The following DLG2 variants were observed in gnomAD, a reference collection of about 807,000 sequenced individuals.
DLG2 encodes discs large MAGUK scaffold protein 2, also known as disks large homolog 2.
A neutral mutation model predicts 132.5 loss-of-function variants in DLG2; 45 were observed. That is an observed-to-expected ratio of 0.34 (90% CI 0.27 to 0.44). The LOEUF (loss-of-function observed/expected upper bound fraction) is 0.44, where lower values mean the gene tolerates loss of function less well. Among genes scored for constraint, DLG2 ranks in the 20% least tolerant of loss-of-function variants. The pLI is 1.00. For synonymous variants in DLG2, 424 were observed against 419.6 expected (o/e 1.01, Z -0.13); for missense variants, 1,045 against 1,196.9 (o/e 0.87, Z 1.87).
intron 11 of DLG2, among the ~76,000 whole-genome samples, chr11:84,004,891 CAG>C (rs754703101): frequency 1.4e-5 from 2 of 143,042 alleles, no homozygotes; most frequent in African/African-American, 2.6e-5. Context: ...ATAAAAATAC[CAG>C]AGTCATTTTT....
intron 6 of DLG2, among the ~76,000 whole-genome samples, chr11:84,850,472 G>A (rs1361291437): frequency 2.6e-5 from 4 of 152,216 alleles, no homozygotes; most frequent in East Asian, 3.9e-4. Context: ...GAATGGATGC[G>A]TTTCCACTAG....
intron 18 of DLG2, among the ~76,000 whole-genome samples, chr11:83,734,982 A>C (rs2091700031): frequency 6.6e-6 from 1 of 152,282 alleles, no homozygotes; most frequent in African/African-American, 2.4e-5. Context: ...AACTTGTTAT[A>C]GGTATTAGCC....
intron 6 of DLG2, among the ~76,000 whole-genome samples, chr11:84,731,841 T>C (rs979612310): frequency 1.3e-5 from 2 of 152,184 alleles, no homozygotes; most frequent in Admixed American, 6.6e-5. Context: ...AACATACGTA[T>C]ACATCTGTGA....
chr11:85,012,761 A>T (rs2059252775), intron 6 of DLG2, among the ~76,000 whole-genome samples: 1 of 152,178 alleles, frequency 6.6e-6, no homozygotes, highest in Admixed American at 6.5e-5. Flanking sequence ...TAAAATATCA[A>T]ATGAGTATTT....
intron 7 of DLG2, among the ~76,000 whole-genome samples, chr11:84,342,831 C>G (rs1035146585): frequency 1.3e-5 from 2 of 152,056 alleles, no homozygotes; most frequent in Non-Finnish European, 2.9e-5. Flanking sequence ...GCGCCAACAC[C>G]GATAATATCA....
chr11:84,953,689 T>A (rs1266195352), intron 6 of DLG2, among the ~76,000 whole-genome samples: 1 of 152,182 alleles, frequency 6.6e-6, no homozygotes, highest in Non-Finnish European at 1.5e-5. Flanking sequence ...TTAATCATGT[T>A]CCATCCTACT....
At chr11:84,609,387 T>C (rs982088871) in intron 6 of DLG2, among the ~76,000 whole-genome samples, 1 of 152,138 alleles carries the variant, frequency 6.6e-6, no homozygotes, top group Non-Finnish European at 1.5e-5. Context: ...AGTGTTATTG[T>C]TTGTTAAAAA....
At chr11:83,820,428 A>G (rs767023695) in intron 17 of DLG2, among the ~76,000 whole-genome samples, 9 of 152,202 alleles carry the variant, frequency 5.9e-5, no homozygotes, top group Non-Finnish European at 8.8e-5. Flanking sequence ...ATAAATCAAA[A>G]GTACTATTCA....
chr11:84,856,388 C>G (rs1368691831), intron 6 of DLG2, among the ~76,000 whole-genome samples: 1 of 152,090 alleles, frequency 6.6e-6, no homozygotes, highest in Non-Finnish European at 1.5e-5. Flanking sequence ...TTCCCTTCAG[C>G]CACCAGCTTC....
At position 84,261,469 on chromosome 11, in the gene DLG2, T is replaced by C. The variant is rs757866942; in HGVS notation, c.520-10178A>G. Among the ~76,000 whole-genome samples, 5 of 152,216 alleles carry C rather than the reference T, an allele frequency of 3.3e-5. 1 individual carries two copies. The highest frequency in any genetic ancestry group is 6.5e-5 in the Admixed American group (1 of 15,272). ...CATCATCACTCCAGGACTCAATCTA[T>C]ACATCCTATTCCCCACATTTTAAAG... On this transcript the variant is annotated intron_variant, in intron 7 of 27. Transcript: ENST00000376104.
At chr11:84,566,046 C>T (rs1361301187) in intron 6 of DLG2, among the ~76,000 whole-genome samples, 1 of 151,528 alleles carries the variant, frequency 6.6e-6, no homozygotes, top group East Asian at 1.9e-4. Flanking sequence ...GCAACCTCCG[C>T]CTCCTGGGTT....
chr11:83,638,141 C>T (rs1009527587), intron 18 of DLG2, among the ~76,000 whole-genome samples: 2 of 152,156 alleles, frequency 1.3e-5, no homozygotes, highest in African/African-American at 4.8e-5. Flanking sequence ...ACATTACCCC[C>T]AGCTAGTTCT....
chr11:83,733,978 G>A lies in DLG2; in HGVS notation c.1825+52712C>T, dbSNP rs1018573565. On this transcript the variant is annotated intron_variant, in intron 18 of 27. Coordinates refer to ENST00000376104, the MANE Select transcript of DLG2 (RefSeq NM_001142699.3). ...ACTATTCCACTCTGTATGTCCACAT[G>A]CACACATTATTTAGCTCCTACTTAT... 5.3e-4 allele frequency among the ~76,000 whole-genome samples: 69 copies of A among 130,122 alleles called. 1 individual carries two copies. Among genetic ancestry groups the A allele is most frequent in the African/African-American group, 2.0e-3 (68 of 34,556 alleles). The allele number at this position is 130,122 out of a possible 152,430, so 85.4% of individuals were successfully genotyped here.
intron 8 of DLG2, among the ~76,000 whole-genome samples, chr11:84,171,749 T>C (rs747821476): frequency 6.6e-6 from 1 of 152,182 alleles, no homozygotes; most frequent in African/African-American, 2.4e-5. Flanking sequence ...AGTATTGGGA[T>C]TGCTGGGTCA....
At chr11:84,171,758 C>A (rs2095828793) in intron 8 of DLG2, among the ~76,000 whole-genome samples, 1 of 152,056 alleles carries the variant, frequency 6.6e-6, no homozygotes, top group Non-Finnish European at 1.5e-5. Flanking sequence ...ATTGCTGGGT[C>A]AAATTTTCTC....
At chr11:83,468,447 T>C (rs2091513102) in intron 25 of DLG2, among the ~76,000 whole-genome samples, 1 of 152,346 alleles carries the variant, frequency 6.6e-6, no homozygotes, top group East Asian at 1.9e-4. Context: ...ATTCATTTAG[T>C]TGATAGAACT....
intron 6 of DLG2, among the ~76,000 whole-genome samples, chr11:84,715,573 G>C (rs1043808356): frequency 2.6e-5 from 4 of 152,004 alleles, no homozygotes; most frequent in Non-Finnish European, 4.4e-5. Context: ...TACTGAGTTT[G>C]TATGTGTTCT....
chr11:84,757,000 T>C (rs2066971791), intron 6 of DLG2, among the ~76,000 whole-genome samples: 1 of 152,180 alleles, frequency 6.6e-6, no homozygotes, highest in African/African-American at 2.4e-5. Context: ...TGTACATATT[T>C]AGTTTTTTAT....
intron 7 of DLG2, among the ~76,000 whole-genome samples, chr11:84,288,692 C>T (rs955627652): frequency 1.1e-4 from 16 of 152,086 alleles, no homozygotes; most frequent in African/African-American, 2.9e-4. Context: ...CTAAATGAAA[C>T]GAAATAAAAC....
Sources: allele counts gnomAD v4.1 joint callset (sites outside exome capture counted in the v4.1 genomes callset), GRCh38; gene constraint gnomAD v4.1.1; transcripts MANE v1.5; gene names NCBI Gene and HGNC (gene_info 2026-07-23, HGNC 2026-07-21).